Variants in MAN1C1 observed in about 807,000 individuals in gnomAD.
MAN1C1 encodes mannosyl-oligosaccharide 1,2-alpha-mannosidase IC.
A neutral mutation model predicts 71.5 loss-of-function variants in MAN1C1; 49 were observed. The observed-to-expected ratio is 0.69, with a 90% confidence interval of 0.54 to 0.87. MAN1C1 has a LOEUF of 0.87. Ranked by LOEUF, MAN1C1 falls within the 40% of genes least tolerant of loss-of-function variation. The probability of loss-of-function intolerance (pLI) is 0.00; values close to 1 mark genes in which losing one functional copy is unlikely to be tolerated. For synonymous variants in MAN1C1, 352 were observed against 343.7 expected (o/e 1.02, Z -0.27); for missense variants, 743 against 835.0 (o/e 0.89, Z 1.36).
chr1:25,752,890 C>T (rs1478011213), intron 4 of MAN1C1, among the ~76,000 whole-genome samples: 2 of 152,210 alleles, frequency 1.3e-5, no homozygotes, highest in Non-Finnish European at 2.9e-5. Flanking sequence ...ACTGCTCTTA[C>T]GCAGGAAGAG....
intron 2 of MAN1C1, among the ~76,000 whole-genome samples, chr1:25,724,231 G>A (rs1260254607): frequency 6.6e-5 from 10 of 152,094 alleles, no homozygotes. Flanking sequence ...GTTTCACCTT[G>A]TTGGCCAAGA....
At chr1:25,708,534 A>T (rs2124240513) in intron 2 of MAN1C1, among the ~76,000 whole-genome samples, 1 of 152,070 alleles carries the variant, frequency 6.6e-6, no homozygotes, top group East Asian at 1.9e-4. Context: ...AGAATGCCTA[A>T]CCTCCTGGGA....
At chr1:25,632,267 C>T (rs2045392283) in intron 1 of MAN1C1, among the ~76,000 whole-genome samples, 1 of 152,096 alleles carries the variant, frequency 6.6e-6, no homozygotes, top group Non-Finnish European at 1.5e-5. Context: ...TAGCAGTTTT[C>T]TTAGATTTTT....
intron 1 of MAN1C1, among the ~76,000 whole-genome samples, chr1:25,670,352 C>T (rs533688757): frequency 6.6e-6 from 1 of 152,214 alleles, no homozygotes; most frequent in African/African-American, 2.4e-5. Flanking sequence ...TCTTTGTTTT[C>T]ACTTAAACCT....
intron 1 of MAN1C1, chr1:25,654,313 A>G (rs1412233574): frequency 2.0e-5 from 3 of 152,234 alleles, no homozygotes; most frequent in African/African-American, 7.2e-5. Flanking sequence ...ATGTGGTCCT[A>G]GAGGACCCCA....
intron 2 of MAN1C1, among the ~76,000 whole-genome samples, chr1:25,702,982 A>G (rs764616864): frequency 9.9e-5 from 15 of 152,260 alleles, no homozygotes; most frequent in Non-Finnish European, 2.2e-4. Flanking sequence ...AGGAGGAAGC[A>G]TCAGAATTGC....
intron 1 of MAN1C1, among the ~76,000 whole-genome samples, chr1:25,646,938 T>G (rs2045623163): frequency 6.6e-6 from 1 of 151,902 alleles, no homozygotes; most frequent in Admixed American, 6.6e-5. Flanking sequence ...TACCTGGGAG[T>G]GGGATTGCTG....
intron 7 of MAN1C1, among the ~76,000 whole-genome samples, chr1:25,770,635 A>G (rs903269347): frequency 1.3e-5 from 2 of 152,184 alleles, no homozygotes; most frequent in Non-Finnish European, 1.5e-5. Flanking sequence ...AGATTAAGTT[A>G]TAAATAATAC....
intron 2 of MAN1C1, among the ~76,000 whole-genome samples, chr1:25,691,886 C>T (rs1339121666): frequency 5.9e-5 from 9 of 152,084 alleles, no homozygotes; most frequent in African/African-American, 2.2e-4. Context: ...TGGGGGTCAG[C>T]TGGCCAGCCT....
intron 2 of MAN1C1, among the ~76,000 whole-genome samples, chr1:25,693,096 A>G (rs1317088498): frequency 6.6e-6 from 1 of 152,214 alleles, no homozygotes; most frequent in African/African-American, 2.4e-5. Context: ...AGCTTTACCA[A>G]TAATAAAAAG....
chr1:25,646,700 A>G (rs917878000), intron 1 of MAN1C1, among the ~76,000 whole-genome samples: 1 of 152,224 alleles, frequency 6.6e-6, no homozygotes, highest in Non-Finnish European at 1.5e-5. Flanking sequence ...ACCATAGAAT[A>G]TGAGGTCTTA....
chr1:25,758,980 G>C, intron 6 of MAN1C1: 1 of 420,056 alleles, frequency 2.4e-6, no homozygotes, highest in South Asian at 3.1e-5. Flanking sequence ...TCACTGGTCT[G>C]CGTGAGCTCA....
Position 25,778,470 on chromosome 1 carries a change from T to A in MAN1C1, c.1477+146T>A. ...GTTAAGTAGAATTTGAGAGAGGTAC[T>A]CTCCAGGCTCCGAGACCATACCCTG... On this transcript the variant is annotated intron_variant, in intron 9 of 11. Coordinates refer to ENST00000374332, the MANE Select transcript of MAN1C1 (RefSeq NM_020379.4). The surrounding 1 kb of genome is among the most constrained non-coding windows in gnomAD (Gnocchi z 5.5). 1.3e-6 allele frequency: 1 copy of A among 780,930 alleles called. No individual in the cohort carries two copies. The highest frequency in any genetic ancestry group is 2.0e-6 in the Non-Finnish European group (1 of 496,734). The allele number at this position is 780,930 out of a possible 1,614,324, so 48.4% of individuals were successfully genotyped here.
chr1:25,638,054 C>T (rs900856442), intron 1 of MAN1C1, among the ~76,000 whole-genome samples: 6 of 151,894 alleles, frequency 4.0e-5, no homozygotes, highest in South Asian at 2.1e-4. Context: ...ATTTATATAA[C>T]TGGATCTAAA....
At chr1:25,710,453 C>T (rs1403911629) in intron 2 of MAN1C1, among the ~76,000 whole-genome samples, 1 of 152,244 alleles carries the variant, frequency 6.6e-6, no homozygotes, top group African/African-American at 2.4e-5. Context: ...TGTGTCAGAA[C>T]AGACCTTAAT....
chr1:25,685,773 G>A (rs2046221239), intron 1 of MAN1C1, among the ~76,000 whole-genome samples: 1 of 152,238 alleles, frequency 6.6e-6, no homozygotes, highest in Admixed American at 6.5e-5. Context: ...GTTGTTTCTA[G>A]CCTCAAGGAG....
At chr1:25,708,408 A>G (rs915909510) in intron 2 of MAN1C1, among the ~76,000 whole-genome samples, 9 of 152,210 alleles carry the variant, frequency 5.9e-5, no homozygotes, top group Admixed American at 5.9e-4. Flanking sequence ...GGTCACTTTC[A>G]TCACCATCTT....
Position 25,618,352 on chromosome 1 carries a change from C to T in MAN1C1, c.540+15C>T. ...AAATCAAGGAGGTATGGACTCAGCC[C>T]CCAAACTCCTCCCACCAACTGCCCC... On this transcript the variant is annotated intron_variant, in intron 1 of 11. Coordinates refer to ENST00000374332, the MANE Select transcript of MAN1C1 (RefSeq NM_020379.4). 2.5e-6 allele frequency: 4 copies of T among 1,586,704 alleles called. No homozygotes were observed. The East Asian group carries it at 6.9e-5, about 28-fold the overall frequency.
At position 25,746,107 on chromosome 1, in the gene MAN1C1, C is replaced by G. The variant is rs2047124427; in HGVS notation, c.638-561C>G. On this transcript the variant is annotated intron_variant, in intron 2 of 11. Transcript: ENST00000374332. This position sits in a 1 kb window ranked among gnomAD's most constrained non-coding sequence, Gnocchi z 4.0. ...ATCACTTGAGGCCAGGAGTTCAAGA[C>G]CAGCCTGGCCAACATGGTGAAACCC... is the stretch of plus-strand genomic sequence containing the variant. Among the ~76,000 whole-genome samples the G allele has an allele frequency of 6.6e-6, 1 of 151,972 alleles. No homozygotes were observed. The highest frequency in any genetic ancestry group is 1.5e-5 in the Non-Finnish European group (1 of 68,010).
Sources: allele counts gnomAD v4.1 joint callset (sites outside exome capture counted in the v4.1 genomes callset), GRCh38; gene constraint gnomAD v4.1.1; non-coding constraint Gnocchi (gnomAD v3.1); transcripts MANE v1.5; gene names NCBI Gene and HGNC (gene_info 2026-07-23, HGNC 2026-07-21).